The following ADAMTS3 variants were observed in gnomAD, a reference collection of about 807,000 sequenced individuals.
ADAMTS3 encodes the protein A disintegrin and metalloproteinase with thrombospondin motifs 3.
Under a neutral mutation model 129.0 loss-of-function variants are expected in ADAMTS3, and 73 were observed. The ratio of observed to expected loss-of-function variants is 0.57; its 90% CI spans 0.47 to 0.69. The LOEUF (loss-of-function observed/expected upper bound fraction) is 0.69, where lower values mean the gene tolerates loss of function less well. ADAMTS3 is among the 30% of genes least tolerant of loss of function. The pLI is 0.00. For synonymous variants in ADAMTS3, 477 were observed against 510.8 expected (o/e 0.93, Z 0.89); for missense variants, 1,457 against 1,514.5 (o/e 0.96, Z 0.63).
chr4:72,484,389 C>A (rs1226317404), intron 3 of ADAMTS3, among the ~76,000 whole-genome samples: 1 of 152,152 alleles, frequency 6.6e-6, no homozygotes, highest in Non-Finnish European at 1.5e-5. Context: ...AACTTGGGAT[C>A]CTGACCATCT....
intron 4 of ADAMTS3, among the ~76,000 whole-genome samples, chr4:72,355,296 T>C (rs748768094): frequency 2.0e-5 from 3 of 151,982 alleles, no homozygotes; most frequent in Non-Finnish European, 4.4e-5. Context: ...ATAATTAATA[T>C]ATTCAGCAGT....
intron 4 of ADAMTS3, among the ~76,000 whole-genome samples, chr4:72,381,231 T>G (rs1371622430): frequency 1.3e-5 from 2 of 152,156 alleles, no homozygotes; most frequent in African/African-American, 4.8e-5. Flanking sequence ...TTTAATAGTA[T>G]AGTAAAAAGG....
rs878878660 is a variant in ADAMTS3 at position 72,360,529 on chromosome 4, T to C, written c.662-20836A>G. Among the ~76,000 whole-genome samples, 20 of 144,126 alleles carry C rather than the reference T, an allele frequency of 1.4e-4. 1 individual carries two copies. Among genetic ancestry groups the C allele is most frequent in the Admixed American group, 1.0e-3 (14 of 13,784 alleles). The allele number at this position is 144,126 out of a possible 152,430, so 94.6% of individuals were successfully genotyped here. On this transcript the variant is annotated intron_variant, in intron 4 of 21. Coordinates refer to ENST00000286657, the MANE Select transcript of ADAMTS3 (RefSeq NM_014243.3). ...ACACTTTTTATGAGAGACTAAGTAA[T>C]GAATGGTTTTTTTTGAAATTTACAA...
chr4:72,457,131 A>T (rs181180046), intron 3 of ADAMTS3, among the ~76,000 whole-genome samples: 18 of 151,862 alleles, frequency 1.2e-4, no homozygotes. Context: ...ATAGAAATTA[A>T]AATTAGTAAA....
intron 4 of ADAMTS3, among the ~76,000 whole-genome samples, chr4:72,406,419 T>C (rs1722054297): frequency 6.6e-6 from 1 of 152,214 alleles, no homozygotes; most frequent in Non-Finnish European, 1.5e-5. Flanking sequence ...TGTTTTATCC[T>C]TGAACATTTG....
At position 72,525,081 on chromosome 4, in the gene ADAMTS3, C is replaced by T. The variant is rs559331758; in HGVS notation, c.504+23397G>A. On this transcript the variant is annotated intron_variant, in intron 3 of 21. Coordinates refer to ENST00000286657, the MANE Select transcript of ADAMTS3 (RefSeq NM_014243.3). Reference sequence around the variant, plus strand: ...TAAAGCTATAAGTATGATTCTATAACAGCCAAGGATGCTGTAGTTCTGCAA... The same window carrying T: ...TAAAGCTATAAGTATGATTCTATAATAGCCAAGGATGCTGTAGTTCTGCAA... Among the ~76,000 whole-genome samples, 6 of 152,322 alleles carry T rather than the reference C, an allele frequency of 3.9e-5. No individual in the cohort carries two copies. In the South Asian group the frequency reaches 1.2e-3, roughly 32 times the overall value.
intron 4 of ADAMTS3, among the ~76,000 whole-genome samples, chr4:72,412,876 G>C (rs550238794): frequency 2.6e-5 from 4 of 151,908 alleles, no homozygotes; most frequent in African/African-American, 9.7e-5. Context: ...TTCAGTGTCT[G>C]CATTATTAAA....
chr4:72,434,267 T>A (rs1722766633), intron 3 of ADAMTS3, among the ~76,000 whole-genome samples: 1 of 151,830 alleles, frequency 6.6e-6, no homozygotes, highest in Admixed American at 6.6e-5. Flanking sequence ...ACGTAGCCCA[T>A]TTAAAATTCA....
At chr4:72,348,954 G>A (rs574981727) in intron 4 of ADAMTS3, among the ~76,000 whole-genome samples, 1 of 151,808 alleles carries the variant, frequency 6.6e-6, no homozygotes, top group Non-Finnish European at 1.5e-5. Flanking sequence ...CTTGATTTTG[G>A]CCTTGTGATA....
chr4:72,347,763 GGAAGAGGTCACCACACC>G (rs1259031871), intron 4 of ADAMTS3, among the ~76,000 whole-genome samples: 1 of 151,806 alleles, frequency 6.6e-6, no homozygotes, highest in Non-Finnish European at 1.5e-5. Context: ...GAAGAGTAGA[GGAAGAGGTCACCACACC>G]CAATTACTAG....
At chr4:72,389,455 A>C (rs1242344408) in intron 4 of ADAMTS3, among the ~76,000 whole-genome samples, 1 of 152,168 alleles carries the variant, frequency 6.6e-6, no homozygotes, top group Non-Finnish European at 1.5e-5. Flanking sequence ...TATGATATAC[A>C]CATGTCTATA....
intron 4 of ADAMTS3, among the ~76,000 whole-genome samples, chr4:72,342,360 T>C (rs1280957462): frequency 3.9e-4 from 2 of 5,102 alleles, no homozygotes; most frequent in South Asian, 0.02. Context: ...CCCCAATTAC[T>C]TTTTTTTTTT....
intron 12 of ADAMTS3, among the ~76,000 whole-genome samples, chr4:72,313,309 G>C (rs929421449): frequency 2.6e-5 from 4 of 152,178 alleles, no homozygotes; most frequent in African/African-American, 9.6e-5. Context: ...TGAAGAGAGA[G>C]AGTCTGTATG....
chr4:72,455,840 ATAC>A (rs1272567155), intron 3 of ADAMTS3, among the ~76,000 whole-genome samples: 1 of 125,020 alleles, frequency 8.0e-6, no homozygotes, highest in African/African-American at 3.1e-5. Flanking sequence ...TACAGTGTAT[ATAC>A]TATATATTTT....
intron 4 of ADAMTS3, among the ~76,000 whole-genome samples, chr4:72,371,857 G>A (rs1418635553): frequency 6.6e-6 from 1 of 150,640 alleles, no homozygotes; most frequent in African/African-American, 2.4e-5. Flanking sequence ...TTTATTGCTG[G>A]ATAATAACAT....
chr4:72,428,030 T>C (rs1722612958), intron 3 of ADAMTS3, among the ~76,000 whole-genome samples: 2 of 113,754 alleles, frequency 1.8e-5, no homozygotes, highest in South Asian at 8.4e-4. Context: ...AGTCAGTTTA[T>C]TAACTGAACA....
intron 2 of ADAMTS3, among the ~76,000 whole-genome samples, chr4:72,556,570 G>A (rs1261179312): frequency 1.3e-5 from 2 of 151,728 alleles, no homozygotes; most frequent in Non-Finnish European, 2.9e-5. Flanking sequence ...AAATACTTGT[G>A]ATTGATGCAT....
At chr4:72,315,720 C>T (rs948450923) in intron 11 of ADAMTS3, 138 bp downstream of exon 11, 3 of 569,374 alleles carry the variant, frequency 5.3e-6, no homozygotes, top group Admixed American at 7.1e-5. Context: ...TATTTTAGTA[C>T]ATTACTTTAA....
chr4:72,423,093 C>T (rs562377897), intron 3 of ADAMTS3, among the ~76,000 whole-genome samples: 66 of 152,170 alleles, frequency 4.3e-4, no homozygotes, highest in African/African-American at 1.5e-3. Flanking sequence ...GACAACTAAA[C>T]GTGGTTTTAT....
Sources: allele counts gnomAD v4.1 joint callset (sites outside exome capture counted in the v4.1 genomes callset), GRCh38; gene constraint gnomAD v4.1.1; transcripts MANE v1.5; gene names NCBI Gene and HGNC (gene_info 2026-07-23, HGNC 2026-07-21).